TNS2: variants seen among roughly 807,000 people sequenced by gnomAD.
The protein encoded by TNS2 is tensin 2.
A neutral mutation model predicts 155.7 loss-of-function variants in TNS2; 77 were observed. The observed-to-expected ratio is 0.49, with a 90% CI of 0.41 to 0.60. The LOEUF (loss-of-function observed/expected upper bound fraction) is 0.60. Ranked by LOEUF, TNS2 falls within the 20% of genes least tolerant of loss-of-function variation. The pLI is 0.00. For missense variants in TNS2, 1,703 were observed against 1,868.8 expected (o/e 0.91, Z 1.64); for synonymous variants, 726 against 763.9 (o/e 0.95, Z 0.82).
upstream of TNS2, chr12:53,050,052 C>A (rs769290444): frequency 5.3e-6 from 8 of 1,503,108 alleles, no homozygotes; most frequent in Non-Finnish European, 7.1e-6. The surrounding 1 kb of genome is among the most constrained non-coding windows in gnomAD (Gnocchi z 4.7). Flanking sequence ...CCGGGCTTCT[C>A]CTCACACCAG....
upstream of TNS2, among the ~76,000 whole-genome samples, chr12:53,048,299 C>G (rs143876074): frequency 6.6e-6 from 1 of 152,252 alleles, no homozygotes; most frequent in Non-Finnish European, 1.5e-5. Context: ...AGTGTGAGAC[C>G]AGTGAAGGTG....
intron 22 of TNS2, 21 bp downstream of exon 22, chr12:53,061,961 A>T (rs774296507): frequency 6.2e-7 from 1 of 1,609,238 alleles, no homozygotes; most frequent in Non-Finnish European, 8.5e-7. Context: ...CCCAAACCTG[A>T]GTGGGGTGGG....
upstream of TNS2, among the ~76,000 whole-genome samples, chr12:53,047,651 C>A (rs1477432024): frequency 1.3e-5 from 2 of 151,880 alleles, no homozygotes; most frequent in African/African-American, 4.8e-5. Context: ...GGCCGCACGC[C>A]GTGCCACACA....
chr12:53,049,111 TG>T, upstream of TNS2: 1 of 1,489,314 alleles, frequency 6.7e-7, no homozygotes, highest in East Asian at 2.5e-5. Context: ...GACGGGAAGT[TG>T]GCCATGTTCC....
chr12:53,050,560 C>A lies in TNS2; in HGVS notation c.75+300C>A, dbSNP rs1352683461. 6.6e-6 allele frequency among the ~76,000 whole-genome samples: 1 copy of A among 151,986 alleles called. No individual in the cohort carries two copies. Among genetic ancestry groups the A allele is most frequent in the African/African-American group, 2.4e-5 (1 of 41,360 alleles). ...TGCCTCACTGCAGGACTTTGCCATG[C>A]GCTATCCAGGTATCCTCCAGCAGGC... On this transcript the variant is annotated intron_variant, in intron 1 of 28. Coordinates refer to ENST00000314250, the MANE Select transcript of TNS2 (RefSeq NM_170754.4). This position sits in a 1 kb window ranked among gnomAD's most constrained non-coding sequence, Gnocchi z 4.7.
chr12:53,048,566 C>T (rs578254345), upstream of TNS2, among the ~76,000 whole-genome samples: 2 of 152,286 alleles, frequency 1.3e-5, no homozygotes, highest in Admixed American at 1.3e-4. Context: ...TGGGACACAG[C>T]CAGGCTGGCA....
At chr12:53,051,299 C>T (rs888563141) in intron 1 of TNS2, among the ~76,000 whole-genome samples, 3 of 152,196 alleles carry the variant, frequency 2.0e-5, no homozygotes, top group African/African-American at 7.2e-5. Context: ...TCTGCTGCCT[C>T]AGTGCACAAT....
chr12:53,055,278 C>T (rs1272313564), intron 8 of TNS2, 42 bp downstream of exon 8: 2 of 1,601,474 alleles, frequency 1.2e-6, no homozygotes, highest in Non-Finnish European at 1.7e-6. Context: ...ACCAAGCCAC[C>T]CCAACCCCAG....
In TNS2 at chr12:53,060,729, T is replaced by C. The variant is rs1944351100; in HGVS notation, c.2823T>C (p.Ser941=). The C allele has an allele frequency of 6.2e-7, 1 of 1,605,918 alleles. No individual in the cohort carries two copies. The highest frequency in any genetic ancestry group is 8.5e-7 in the Non-Finnish European group (1 of 1,175,188). ...SPTSAPTQRL[S]PGEALPPVSQ... The stretch of plus-strand genomic sequence containing the variant: ...CCTCAGCGCCCACTCAGAGACTGAG[T>C]CCTGGCGAGGCCTTGCCCCCTGTTT... Residue 941 remains serine (S), a synonymous_variant, in exon 20 of 29, where the codon AGT becomes AGC. Transcript: ENST00000314250. This position sits in a 1 kb window ranked among gnomAD's most constrained non-coding sequence, Gnocchi z 6.1.
intron 3 of TNS2, chr12:53,053,137 T>G (rs552980048): frequency 2.1e-6 from 1 of 466,248 alleles, no homozygotes; most frequent in Admixed American, 3.5e-5. Context: ...CCTGCCTGCT[T>G]GGCTCTATAT....
chr12:53,058,033 T>A lies in TNS2; in HGVS notation c.1026T>A (p.Ile342=). 6.2e-7 allele frequency: 1 copy of A among 1,614,144 alleles called. No individual in the cohort carries two copies. Among genetic ancestry groups the A allele is most frequent in the Non-Finnish European group, 8.5e-7 (1 of 1,180,034 alleles). ...TTCTCCTCTCTCCCCACAGTCACAT[T>A]GCAGGCCCTGGTCCCCAGCAGCTTT... ...QLVYTSGVYH[I]AGPGPQQLCI... Residue 342 remains isoleucine, a synonymous_variant, in exon 14 of 29, where the codon ATT becomes ATA. Coordinates refer to ENST00000314250, the MANE Select transcript of TNS2 (RefSeq NM_170754.4).
chr12:53,061,709 C>T, intron 21 of TNS2, 106 bp from the exon 22 acceptor site: 8 of 1,526,094 alleles, frequency 5.2e-6, no homozygotes, highest in African/African-American at 1.4e-5. Context: ...CCACAGCTGT[C>T]AGGGCAGAGA....
intron 8 of TNS2, 113 bp from the exon 9 acceptor site, chr12:53,055,455 C>A: frequency 7.4e-7 from 1 of 1,359,590 alleles, no homozygotes; most frequent in Non-Finnish European, 1.0e-6. Context: ...CATGGACAAC[C>A]AGCAGACCCC....
intron 16 of TNS2, 36 bp downstream of exon 16, chr12:53,058,673 G>A (rs767960182): frequency 2.0e-5 from 33 of 1,613,792 alleles, no homozygotes; most frequent in Middle Eastern, 1.6e-4. Flanking sequence ...ACTGAGGGCC[G>A]CCTCTCCCCT....
chr12:53,049,837 G>T (rs1048438029), upstream of TNS2: 2 of 350,306 alleles, frequency 5.7e-6, no homozygotes, highest in Non-Finnish European at 5.4e-6. Flanking sequence ...ATGGATCCCT[G>T]CAGATCCCTG....
chr12:53,053,609 C>A, intron 4 of TNS2, 160 bp downstream of exon 4: 4 of 1,355,118 alleles, frequency 3.0e-6, no homozygotes, highest in South Asian at 1.3e-5. Flanking sequence ...GAGTCCTCTG[C>A]TGATCTTGTG....
Position 53,054,839 on chromosome 12 carries a change from ATTTTTTTTTTT to A in TNS2, c.523-330_523-320del, listed in dbSNP as rs71095973. Among the ~76,000 whole-genome samples the A allele has an allele frequency of 9.5e-5, 9 of 94,252 alleles. No homozygotes were observed. In the South Asian group the frequency reaches 1.5e-3, roughly 16 times the overall value. The allele number at this position is 94,252 out of a possible 152,430, so 61.8% of individuals were successfully genotyped here. A position where few individuals can be genotyped will look rare whatever the true frequency, so the allele number is the denominator to read the frequency against. On this transcript the variant is annotated intron_variant, in intron 7 of 28. Transcript: ENST00000314250. ...GGCGTGCGTCACTCACGCCCAGCCA[ATTTTTTTTTTT>A]TTTTTTTTTTTTTTTTGTATTTTTT...
chr12:53,054,836 C>A (rs1488160033), intron 7 of TNS2, among the ~76,000 whole-genome samples: 1 of 142,618 alleles, frequency 7.0e-6, no homozygotes, highest in Non-Finnish European at 1.5e-5. Context: ...TCACGCCCAG[C>A]CAATTTTTTT....
At chr12:53,055,383 C>T (rs1433446180) in intron 8 of TNS2, 147 bp downstream of exon 8, 1 of 1,153,334 alleles carries the variant, frequency 8.7e-7, no homozygotes, top group Non-Finnish European at 1.2e-6. Flanking sequence ...ACTGGAGACA[C>T]CCCAAAACGT....
Sources: gnomAD v4.1 joint callset for allele counts (sites outside exome capture counted in the v4.1 genomes callset) on GRCh38, gnomAD v4.1.1 for gene constraint, Gnocchi (gnomAD v3.1) non-coding constraint, MANE v1.5 for transcripts, NCBI Gene and HGNC (gene_info 2026-07-23, HGNC 2026-07-21) for gene names.